NRXN1: variants seen among roughly 807,000 people sequenced by gnomAD.
NRXN1 encodes the protein neurexin-1.
Under a neutral mutation model 150.9 loss-of-function variants are expected in NRXN1, and 39 were observed. The observed-to-expected ratio is 0.26, with a 90% CI of 0.20 to 0.34. NRXN1 has a LOEUF of 0.34. Among genes scored for constraint, NRXN1 ranks in the 10% least tolerant of loss-of-function variants. The pLI is 1.00. For missense variants in NRXN1, 1,815 were observed against 1,949.9 expected, an observed-to-expected ratio of 0.93 and a Z score of 1.30; for synonymous variants, 924 against 757.0, an observed-to-expected ratio of 1.22 and a Z score of -3.62.
Position 50,180,379 on chromosome 2 carries a change from A to G in NRXN1, c.3546+56410T>C, listed in dbSNP as rs533883652. On this transcript the variant is annotated intron_variant, in intron 18 of 22. Coordinates refer to ENST00000401669, the MANE Select transcript of NRXN1 (RefSeq NM_001330078.2). ...TTCTGATGAGAATCCTTGAAGCAAAACTCTCACACCTTGCTAGTGTTCCAG... is the reference window on the plus strand; with the variant it reads ...TTCTGATGAGAATCCTTGAAGCAAAGCTCTCACACCTTGCTAGTGTTCCAG... Among the ~76,000 whole-genome samples, 36 of 151,984 alleles carry G rather than the reference A, an allele frequency of 2.4e-4. No individual in the cohort carries two copies. The South Asian group carries it at 3.3e-3, about 14-fold the overall frequency.
chr2:50,820,398 C>T (rs1435314983), intron 5 of NRXN1, among the ~76,000 whole-genome samples: 2 of 152,130 alleles, frequency 1.3e-5, no homozygotes, highest in Non-Finnish European at 2.9e-5. Flanking sequence ...ACATGACTGA[C>T]AGTTCAGTGG....
At chr2:50,398,871 TACCC>T (rs1278473823) in intron 17 of NRXN1, among the ~76,000 whole-genome samples, 1 of 152,136 alleles carries the variant, frequency 6.6e-6, no homozygotes, top group Non-Finnish European at 1.5e-5. Context: ...GGCTGAGAGA[TACCC>T]TGAGTTTCAT....
chr2:51,023,011 T>C (rs1225183721), intron 2 of NRXN1, among the ~76,000 whole-genome samples: 3 of 152,272 alleles, frequency 2.0e-5, no homozygotes, highest in Non-Finnish European at 4.4e-5. Flanking sequence ...AGAACCAAAG[T>C]GTTCTGAACA....
chr2:50,879,149 G>A (rs1408580724), intron 5 of NRXN1, among the ~76,000 whole-genome samples: 1 of 151,784 alleles, frequency 6.6e-6, no homozygotes, highest in East Asian at 2.0e-4. Context: ...CCTTGAGACC[G>A]AAGACAGGTT....
intron 8 of NRXN1, among the ~76,000 whole-genome samples, chr2:50,610,573 G>C (rs1677872926): frequency 7.0e-6 from 1 of 142,212 alleles, no homozygotes; most frequent in Middle Eastern, 3.7e-3. Context: ...AGATTCCTGA[G>C]TGCATTATCT....
At chr2:51,000,196 T>C (rs1241102201) in intron 2 of NRXN1, among the ~76,000 whole-genome samples, 1 of 152,036 alleles carries the variant, frequency 6.6e-6, no homozygotes, top group African/African-American at 2.4e-5. Context: ...TTCTTTGTTG[T>C]GTTTGCTCAA....
intron 8 of NRXN1, among the ~76,000 whole-genome samples, chr2:50,560,422 A>ATGTTTGTTTATT (rs71404964): frequency 4.7e-4 from 66 of 140,608 alleles, no homozygotes; most frequent in East Asian, 6.4e-4. Context: ...AGTCTGATGT[A>ATGTTTGTTTATT]TGTTTATTTA....
chr2:50,884,864 A>T (rs1037892418), intron 5 of NRXN1, among the ~76,000 whole-genome samples: 8 of 151,508 alleles, frequency 5.3e-5, no homozygotes, highest in African/African-American at 1.7e-4. Context: ...CTATAAACGC[A>T]AAAGTAGCAA....
At chr2:50,113,119 G>T (rs1026203787) in intron 18 of NRXN1, among the ~76,000 whole-genome samples, 1 of 152,072 alleles carries the variant, frequency 6.6e-6, no homozygotes, top group Non-Finnish European at 1.5e-5. Flanking sequence ...GATCTTGAAG[G>T]TATGGCATTT....
intron 17 of NRXN1, among the ~76,000 whole-genome samples, chr2:50,299,843 T>C (rs2152953553): frequency 6.6e-6 from 1 of 152,304 alleles, no homozygotes; most frequent in South Asian, 2.1e-4. Flanking sequence ...ATCCATTAAG[T>C]CTTTATGAAC....
In NRXN1 at chr2:50,107,873, G is replaced by C. The variant is rs371381286; in HGVS notation, c.3547-16379C>G. Among the ~76,000 whole-genome samples the C allele has an allele frequency of 2.6e-5, 4 of 151,916 alleles. No individual in the cohort carries two copies. In the East Asian group the frequency reaches 5.8e-4, roughly 22 times the overall value. ...TTGGCTCATAATGGTCACAAAACAAGTGTTTGCTAAATATTGACTAAATTC... is the reference window on the plus strand; with the variant it reads ...TTGGCTCATAATGGTCACAAAACAACTGTTTGCTAAATATTGACTAAATTC... On this transcript the variant is annotated intron_variant, in intron 18 of 22. Transcript: ENST00000401669.
chr2:50,906,592 T>A (rs921190953), intron 5 of NRXN1, among the ~76,000 whole-genome samples: 3 of 152,148 alleles, frequency 2.0e-5, no homozygotes, highest in African/African-American at 7.2e-5. Context: ...CTTGCCAGAA[T>A]AATCTTTTGA....
intron 17 of NRXN1, among the ~76,000 whole-genome samples, chr2:50,318,177 G>C (rs1479385855): frequency 6.6e-6 from 1 of 151,894 alleles, no homozygotes; most frequent in African/African-American, 2.4e-5. Context: ...TTTCACAGAA[G>C]GGGAAACACA....
Position 50,477,415 on chromosome 2 carries a change from T to C in NRXN1, c.3071-4944A>G, listed in dbSNP as rs189570989. Among the ~76,000 whole-genome samples the C allele has an allele frequency of 8.5e-5, 13 of 152,290 alleles. No homozygotes were observed. The East Asian group carries it at 2.3e-3, about 27-fold the overall frequency. On this transcript the variant is annotated intron_variant, in intron 15 of 22. Transcript: ENST00000401669. ...GGAACATCCTAGAGGAATCCAGTGA[T>C]ATGAACCTGGGCCTTAGGGAACGGA...
chr2:50,766,031 A>G (rs933359161), intron 5 of NRXN1, among the ~76,000 whole-genome samples: 1 of 152,086 alleles, frequency 6.6e-6, no homozygotes, highest in African/African-American at 2.4e-5. Flanking sequence ...AGACAATTAG[A>G]GCTCATGTAC....
intron 2 of NRXN1, among the ~76,000 whole-genome samples, chr2:51,002,551 A>G (rs1700203704): frequency 6.6e-6 from 1 of 151,952 alleles, no homozygotes; most frequent in African/African-American, 2.4e-5. Flanking sequence ...AGTGCATATA[A>G]AGAGCTTAGT....
chr2:51,009,159 T>A (rs1252114192), intron 2 of NRXN1: 2 of 151,938 alleles, frequency 1.3e-5, no homozygotes, highest in African/African-American at 4.8e-5. Flanking sequence ...GAGGAAGATC[T>A]GAGTTGGGAC....
At chr2:50,196,840 T>C (rs1248240687) in intron 18 of NRXN1, among the ~76,000 whole-genome samples, 1 of 152,122 alleles carries the variant, frequency 6.6e-6, no homozygotes, top group African/African-American at 2.4e-5. Flanking sequence ...TCTCACTTAT[T>C]AGTGGGAGCT....
At chr2:50,329,684 T>C (rs1482996357) in intron 17 of NRXN1, among the ~76,000 whole-genome samples, 26 of 86,558 alleles carry the variant, frequency 3.0e-4, no homozygotes, top group South Asian at 9.8e-4. Flanking sequence ...TTTTTTTTTT[T>C]CCCCCCCGAG....
Sources: gnomAD v4.1 joint callset for allele counts (sites outside exome capture counted in the v4.1 genomes callset) on GRCh38, gnomAD v4.1.1 for gene constraint, MANE v1.5 for transcripts, NCBI Gene and HGNC (gene_info 2026-07-23, HGNC 2026-07-21) for gene names.